Variants in MAPRE3 observed in about 807,000 individuals in gnomAD.
The protein encoded by MAPRE3 is microtubule-associated protein RP/EB family member 3.
MAPRE3 carries 2 observed loss-of-function variants against 30.5 expected under a neutral mutation model. The observed-to-expected ratio is 0.07, with a 90% CI of 0.03 to 0.21. The LOEUF is 0.21. Among genes scored for constraint, MAPRE3 ranks in the 10% least tolerant of loss-of-function variants. MAPRE3 has a pLI of 1.00. For missense variants in MAPRE3, 204 were observed against 351.8 expected (o/e 0.58, Z 3.36); for synonymous variants, 110 against 127.7 (o/e 0.86, Z 0.93).
chr2:27,007,044 CAGG>C (rs1203959399), intron 1 of MAPRE3, among the ~76,000 whole-genome samples: 1 of 152,130 alleles, frequency 6.6e-6, no homozygotes, highest in Non-Finnish European at 1.5e-5. Flanking sequence ...GGCAGAAAAG[CAGG>C]AGAATAGAGC....
chr2:27,020,563 C>T (rs1446644218), intron 1 of MAPRE3, among the ~76,000 whole-genome samples: 1 of 152,234 alleles, frequency 6.6e-6, no homozygotes, highest in Admixed American at 6.5e-5. Flanking sequence ...TCACTGCTGG[C>T]TCCACTCCAA....
chr2:26,991,986 C>T (rs910725681), intron 1 of MAPRE3, among the ~76,000 whole-genome samples: 1 of 152,180 alleles, frequency 6.6e-6, no homozygotes, highest in East Asian at 1.9e-4. Flanking sequence ...ACCACACACT[C>T]ATATACTTTG....
At chr2:27,005,540 A>G (rs1420011527) in intron 1 of MAPRE3, among the ~76,000 whole-genome samples, 1 of 152,230 alleles carries the variant, frequency 6.6e-6, no homozygotes, top group South Asian at 2.1e-4. Flanking sequence ...TCTGCAAAGC[A>G]TGAACTGCAA....
intron 1 of MAPRE3, among the ~76,000 whole-genome samples, chr2:26,988,620 G>A (rs1666265868): frequency 1.3e-5 from 2 of 152,184 alleles, no homozygotes; most frequent in Admixed American, 1.3e-4. Flanking sequence ...ACAGTGACAA[G>A]AACAGTGCTG....
chr2:27,007,329 C>G (rs1666753379), intron 1 of MAPRE3, among the ~76,000 whole-genome samples: 1 of 152,106 alleles, frequency 6.6e-6, no homozygotes, highest in Non-Finnish European at 1.5e-5. Flanking sequence ...GTTAAGTTAT[C>G]CTGTGATTAT....
intron 1 of MAPRE3, among the ~76,000 whole-genome samples, chr2:27,019,390 G>A (rs111460384): frequency 1.3e-5 from 2 of 151,370 alleles, no homozygotes; most frequent in Non-Finnish European, 2.9e-5. Context: ...GGGATGGCAG[G>A]GGGACCCAGG....
chr2:26,980,221 T>G (rs1666085844), intron 1 of MAPRE3, among the ~76,000 whole-genome samples: 1 of 152,112 alleles, frequency 6.6e-6, no homozygotes, highest in Non-Finnish European at 1.5e-5. Context: ...GTCATGATGA[T>G]TGCTTAGGGT....
rs961410692 is a variant in MAPRE3, at chr2:27,025,567, C to G, written c.470-16C>G. The G allele has an allele frequency of 2.1e-5, 32 of 1,551,864 alleles. No individual in the cohort carries two copies. The highest frequency in any genetic ancestry group is 2.8e-5 in the Non-Finnish European group (32 of 1,151,140). On this transcript the variant is annotated splice_polypyrimidine_tract_variant and intron_variant, in intron 4 of 6. Coordinates refer to ENST00000233121, the MANE Select transcript of MAPRE3 (RefSeq NM_012326.4). Reference sequence around the variant, plus strand: ...TGGGCTCACGTGGACTTACCTGACTCTTTTCCTCTGGGCAGTTCCACAGAG... The same window carrying G: ...TGGGCTCACGTGGACTTACCTGACTGTTTTCCTCTGGGCAGTTCCACAGAG...
At chr2:26,991,381 A>G (rs1483959451) in intron 1 of MAPRE3, among the ~76,000 whole-genome samples, 3 of 152,226 alleles carry the variant, frequency 2.0e-5, no homozygotes, top group African/African-American at 7.2e-5. Flanking sequence ...AGACAATAGC[A>G]GGAAGGAAGT....
intron 1 of MAPRE3, among the ~76,000 whole-genome samples, chr2:26,992,500 C>T (rs923389536): frequency 1.3e-5 from 2 of 151,926 alleles, no homozygotes; most frequent in African/African-American, 4.8e-5. Context: ...GCTGGGATTA[C>T]AGGCATGAAC....
intron 1 of MAPRE3, among the ~76,000 whole-genome samples, chr2:27,010,643 A>G (rs1666833556): frequency 6.6e-6 from 1 of 151,966 alleles, no homozygotes; most frequent in African/African-American, 2.4e-5. Context: ...GGGTTTTGCC[A>G]TGTTGGCCAG....
rs949572608 is a variant in MAPRE3, at chr2:27,026,444, G to A, written c.*96G>A. The A allele has an allele frequency of 1.8e-6, 2 of 1,117,228 alleles. No individual in the cohort carries two copies. Among genetic ancestry groups the A allele is most frequent in the South Asian group, 1.5e-5 (1 of 68,172 alleles). The allele number at this position is 1,117,228 out of a possible 1,614,324, so 69.2% of individuals were successfully genotyped here. A position where few individuals can be genotyped will look rare whatever the true frequency, so the allele number is the denominator to read the frequency against. ...GTCCTTTCCTAACACGGTCGGCCGGGTGCTTTGTGTCAGTGCTGCAGCACT... is the reference window on the plus strand; with the variant it reads ...GTCCTTTCCTAACACGGTCGGCCGGATGCTTTGTGTCAGTGCTGCAGCACT... On this transcript the variant is annotated 3_prime_UTR_variant, in exon 7 of 7. Coordinates refer to ENST00000233121, the MANE Select transcript of MAPRE3 (RefSeq NM_012326.4).
rs1454386666 is a variant in MAPRE3, at chr2:27,015,311, G to T, written c.-7-6901G>T. On this transcript the variant is annotated intron_variant, in intron 1 of 6. Transcript: ENST00000233121. This position sits in a 1 kb window ranked among gnomAD's most constrained non-coding sequence, Gnocchi z 4.0. ...CATGGCTCACTTAATCCTCATAACT[G>T]TTCTGTGAGGTGGGAGCTGTCACTG... Among the ~76,000 whole-genome samples the T allele has an allele frequency of 6.6e-6, 1 of 152,210 alleles. No homozygotes were observed. Among genetic ancestry groups the T allele is most frequent in the Non-Finnish European group, 1.5e-5 (1 of 68,044 alleles).
chr2:27,026,646 C>T lies in MAPRE3; in HGVS notation c.*298C>T, dbSNP rs1233731242. On this transcript the variant is annotated 3_prime_UTR_variant, in exon 7 of 7. Transcript: ENST00000233121. Reference sequence around the variant, plus strand: ...GGGTGCTGCTGCCACCCGCCCCAGCCAGCCACCTGCTCCTGACAGCCAGCA... The same window carrying T: ...GGGTGCTGCTGCCACCCGCCCCAGCTAGCCACCTGCTCCTGACAGCCAGCA... 4 of 355,296 alleles carry T rather than the reference C, an allele frequency of 1.1e-5. No homozygotes were observed. The highest frequency in any genetic ancestry group is 2.1e-5 in the African/African-American group (1 of 47,218). The allele number at this position is 355,296 out of a possible 1,614,324, so 22.0% of individuals were successfully genotyped here.
intron 1 of MAPRE3, among the ~76,000 whole-genome samples, chr2:27,008,920 C>T (rs571866992): frequency 3.7e-4 from 56 of 151,946 alleles, no homozygotes; most frequent in African/African-American, 1.3e-3. Flanking sequence ...AAGTTAAAGG[C>T]GCTATGCTGA....
intron 1 of MAPRE3, among the ~76,000 whole-genome samples, chr2:27,019,559 G>A (rs375700468): frequency 4.6e-5 from 7 of 152,224 alleles, no homozygotes; most frequent in Admixed American, 2.0e-4. Context: ...AATGGTGAGC[G>A]CAAGGGCCAA....
intron 1 of MAPRE3, among the ~76,000 whole-genome samples, chr2:26,982,273 A>G (rs1230007939): frequency 6.6e-6 from 1 of 152,196 alleles, no homozygotes; most frequent in Non-Finnish European, 1.5e-5. Flanking sequence ...TTCATGCTGC[A>G]CAACTGAAGC....
chr2:26,974,114 G>T (rs1173764058), intron 1 of MAPRE3, among the ~76,000 whole-genome samples: 1 of 152,314 alleles, frequency 6.6e-6, no homozygotes, highest in South Asian at 2.1e-4. Flanking sequence ...ATGAATGTTG[G>T]TGGTTATTAG....
chr2:26,987,824 C>T (rs1341013698), intron 1 of MAPRE3, among the ~76,000 whole-genome samples: 3 of 152,166 alleles, frequency 2.0e-5, no homozygotes, highest in Non-Finnish European at 2.9e-5. Flanking sequence ...TGTCAGCAAG[C>T]AGCCACCTCC....
Sources: gnomAD v4.1 joint callset for allele counts (sites outside exome capture counted in the v4.1 genomes callset) on GRCh38, gnomAD v4.1.1 for gene constraint, Gnocchi (gnomAD v3.1) non-coding constraint, MANE v1.5 for transcripts, NCBI Gene and HGNC (gene_info 2026-07-23, HGNC 2026-07-21) for gene names.